The following SNTB1 variants were observed in gnomAD, a reference collection of about 807,000 sequenced individuals.
SNTB1 encodes the protein syntrophin beta 1.
SNTB1 carries 36 observed loss-of-function variants against 48.9 expected under a neutral mutation model. The ratio of observed to expected loss-of-function variants is 0.74; its 90% CI spans 0.56 to 0.97. SNTB1 has a LOEUF of 0.97. SNTB1 is among the 50% of genes least tolerant of loss of function. The pLI, the probability that SNTB1 is intolerant of heterozygous loss-of-function variation, is 0.00. For synonymous variants in SNTB1, 299 were observed against 294.6 expected (o/e 1.01, Z -0.15); for missense variants, 786 against 703.4 (o/e 1.12, Z -1.33).
At chr8:120,660,380 A>G (rs1817570002) in intron 2 of SNTB1, among the ~76,000 whole-genome samples, 3 of 152,208 alleles carry the variant, frequency 2.0e-5, no homozygotes, top group Non-Finnish European at 2.9e-5. Context: ...TTCACCTTGC[A>G]CTATGTTACA....
intron 1 of SNTB1, chr8:120,775,615 G>A (rs1003842689): frequency 6.7e-6 from 1 of 150,252 alleles, no homozygotes; most frequent in Non-Finnish European, 1.5e-5. Flanking sequence ...GAGAAAGGAA[G>A]AACGAAAGAA....
intron 1 of SNTB1, among the ~76,000 whole-genome samples, chr8:120,800,548 C>T (rs931927493): frequency 1.3e-5 from 2 of 151,914 alleles, no homozygotes; most frequent in African/African-American, 4.8e-5. Context: ...TCAAGGACAG[C>T]CCAAGGAGGA....
intron 2 of SNTB1, among the ~76,000 whole-genome samples, chr8:120,647,619 G>T (rs1817322180): frequency 7.0e-6 from 1 of 142,302 alleles, no homozygotes; most frequent in Non-Finnish European, 1.5e-5. Context: ...GTGTGGTGTG[G>T]TGCTGAAAAA....
intron 2 of SNTB1, among the ~76,000 whole-genome samples, chr8:120,693,289 C>G (rs1818157938): frequency 6.6e-6 from 1 of 152,184 alleles, no homozygotes; most frequent in Admixed American, 6.5e-5. Context: ...GGACAAACAT[C>G]CTAACTATAT....
intron 3 of SNTB1, among the ~76,000 whole-genome samples, chr8:120,584,499 T>C (rs1245610470): frequency 7.1e-6 from 1 of 139,896 alleles, no homozygotes; most frequent in Non-Finnish European, 1.5e-5. Flanking sequence ...GAGAAAAAAG[T>C]TTAGGGAAAA....
chr8:120,688,733 G>A (rs1338283271), intron 2 of SNTB1, among the ~76,000 whole-genome samples: 1 of 152,192 alleles, frequency 6.6e-6, no homozygotes, highest in Non-Finnish European at 1.5e-5. Flanking sequence ...GAACAGAAAC[G>A]ATGAGGTAAA....
chr8:120,675,463 A>G (rs867932754), intron 2 of SNTB1, among the ~76,000 whole-genome samples: 3 of 152,190 alleles, frequency 2.0e-5, no homozygotes, highest in Non-Finnish European at 4.4e-5. Flanking sequence ...TATGTCCACA[A>G]AGGGTCCTAT....
intron 1 of SNTB1, among the ~76,000 whole-genome samples, chr8:120,723,471 G>C (rs1818703310): frequency 6.6e-6 from 1 of 152,182 alleles, no homozygotes; most frequent in Admixed American, 6.5e-5. Flanking sequence ...GGATGAGTGT[G>C]ATTGGCATTA....
intron 4 of SNTB1, among the ~76,000 whole-genome samples, chr8:120,560,820 A>G (rs1457494015): frequency 6.6e-6 from 1 of 152,190 alleles, no homozygotes; most frequent in Non-Finnish European, 1.5e-5. Context: ...TATCTTGTTT[A>G]ATTGCCGCAA....
intron 1 of SNTB1, among the ~76,000 whole-genome samples, chr8:120,805,294 G>A (rs1172111699): frequency 6.6e-6 from 1 of 152,122 alleles, no homozygotes; most frequent in Non-Finnish European, 1.5e-5. Context: ...AACTTACGTG[G>A]CAAAGGGGAA....
In SNTB1 at chr8:120,538,693, G is replaced by A. The variant is rs1815236373; in HGVS notation, c.*184C>T. ...TGATATTTCTCATGGTACTTTCGCA[G>A]GGTATCCCTTGTAGTTGCTGAAACT... is the stretch of plus-strand genomic sequence containing the variant. On this transcript the variant is annotated 3_prime_UTR_variant, in exon 7 of 7. Coordinates refer to ENST00000517992, the MANE Select transcript of SNTB1 (RefSeq NM_021021.4). 1 of 677,462 alleles carries A rather than the reference G, an allele frequency of 1.5e-6. No individual in the cohort carries two copies. Among genetic ancestry groups the A allele is most frequent in the Non-Finnish European group, 2.7e-6 (1 of 365,400 alleles). 42.0% of individuals were successfully genotyped at this position (677,462 alleles called of 1,614,324 possible).
intron 1 of SNTB1, among the ~76,000 whole-genome samples, chr8:120,784,981 A>G: frequency 6.6e-6 from 1 of 152,150 alleles, no homozygotes; most frequent in East Asian, 1.9e-4. Flanking sequence ...GCTGGAACTA[A>G]TTTAGTGAGT....
At chr8:120,775,755 GA>G (rs1819725253) in intron 1 of SNTB1, among the ~76,000 whole-genome samples, 1 of 147,922 alleles carries the variant, frequency 6.8e-6, no homozygotes. Context: ...AGGAAGGAAG[GA>G]AAGAAGGAAA....
chr8:120,780,982 A>G (rs546046860), intron 1 of SNTB1, among the ~76,000 whole-genome samples: 1 of 152,368 alleles, frequency 6.6e-6, no homozygotes, highest in South Asian at 2.1e-4. Flanking sequence ...TGAGTAATTA[A>G]GCCAAACACC....
Position 120,811,574 on chromosome 8 carries a change from C to A in SNTB1, c.270G>T (p.Gly90=). ...GGAQPPDSPA[G]VRTAFTDLPE... ...GCAGGTCGGTGAAAGCGGTGCGGAC[C>A]CCGGCGGGCGAGTCCGGGGGCTGCG... The change falls in exon 1 of 7, where the codon GGG becomes GGT. Residue 90 remains glycine (G), a synonymous_variant. Coordinates refer to ENST00000517992, the MANE Select transcript of SNTB1 (RefSeq NM_021021.4). 1.9e-6 allele frequency: 3 copies of A among 1,565,784 alleles called. No individual in the cohort carries two copies. Among genetic ancestry groups the A allele is most frequent in the East Asian group, 2.4e-5 (1 of 41,870 alleles).
chr8:120,599,296 T>G (rs940573666), intron 3 of SNTB1, among the ~76,000 whole-genome samples: 32 of 152,340 alleles, frequency 2.1e-4, no homozygotes, highest in African/African-American at 7.5e-4. Context: ...ACAAATAATT[T>G]GTATTAACAG....
At chr8:120,625,923 A>AT (rs560953105) in intron 3 of SNTB1, among the ~76,000 whole-genome samples, 139 of 152,174 alleles carry the variant, frequency 9.1e-4, no homozygotes, top group Non-Finnish European at 1.3e-3. Flanking sequence ...GACTTAGGTA[A>AT]TTTTTTTAAG....
chr8:120,766,681 A>C (rs1819530222), intron 1 of SNTB1, among the ~76,000 whole-genome samples: 1 of 152,186 alleles, frequency 6.6e-6, no homozygotes, highest in South Asian at 2.1e-4. Flanking sequence ...TAACCTACAA[A>C]ATACTGTATA....
chr8:120,667,391 G>C (rs973348781), intron 2 of SNTB1, among the ~76,000 whole-genome samples: 2 of 152,260 alleles, frequency 1.3e-5, no homozygotes, highest in South Asian at 4.1e-4. Flanking sequence ...GAAGTGTTTG[G>C]AAATCCACAT....
Sources: gnomAD v4.1 joint callset for allele counts (sites outside exome capture counted in the v4.1 genomes callset) on GRCh38, gnomAD v4.1.1 for gene constraint, MANE v1.5 for transcripts, NCBI Gene and HGNC (gene_info 2026-07-23, HGNC 2026-07-21) for gene names.